Variants in ADAMTS16 observed in about 807,000 individuals in gnomAD.
ADAMTS16 encodes the protein A disintegrin and metalloproteinase with thrombospondin motifs 16.
Under a neutral mutation model 145.8 loss-of-function variants are expected in ADAMTS16, and 94 were observed. That is an observed-to-expected ratio of 0.64 (90% CI 0.55 to 0.77). The LOEUF (loss-of-function observed/expected upper bound fraction) is 0.77. Ranked by LOEUF, ADAMTS16 falls within the 30% of genes least tolerant of loss-of-function variation. ADAMTS16 has a pLI of 0.00. For synonymous variants in ADAMTS16, 659 were observed against 604.3 expected, an observed-to-expected ratio of 1.09 and a Z score of -1.33; for missense variants, 1,585 against 1,591.5, an observed-to-expected ratio of 1.00 and a Z score of 0.07.
chr5:5,299,491 G>T (rs1739683811), intron 18 of ADAMTS16, among the ~76,000 whole-genome samples: 1 of 145,482 alleles, frequency 6.9e-6, no homozygotes, highest in South Asian at 2.3e-4. Flanking sequence ...AGCATTATAT[G>T]CAAAAACCAA....
At chr5:5,168,660 T>A (rs1305488872) in intron 3 of ADAMTS16, among the ~76,000 whole-genome samples, 13 of 110,730 alleles carry the variant, frequency 1.2e-4, no homozygotes. Context: ...TTATATATTA[T>A]ATTTATATAA....
rs944854596 is a variant in ADAMTS16, at chr5:5,310,103, G to A, written c.3411+3375G>A. On this transcript the variant is annotated intron_variant, in intron 21 of 22. Coordinates refer to ENST00000274181, the MANE Select transcript of ADAMTS16 (RefSeq NM_139056.4). The surrounding 1 kb of genome is among the most constrained non-coding windows in gnomAD (Gnocchi z 4.3). Reference sequence around the variant, plus strand: ...TAGTGCAGGTGCCTGTTGGGCAGCCGGGGTCAAGGTGTGAACAAAGGAGGC... The same window carrying A: ...TAGTGCAGGTGCCTGTTGGGCAGCCAGGGTCAAGGTGTGAACAAAGGAGGC... Among the ~76,000 whole-genome samples, 2 of 152,046 alleles carry A rather than the reference G, an allele frequency of 1.3e-5. No individual in the cohort carries two copies. Among genetic ancestry groups the A allele is most frequent in the Non-Finnish European group, 2.9e-5 (2 of 68,012 alleles).
At chr5:5,230,366 C>G (rs1255094660) in intron 11 of ADAMTS16, among the ~76,000 whole-genome samples, 2 of 152,158 alleles carry the variant, frequency 1.3e-5, no homozygotes, top group East Asian at 3.9e-4. Context: ...TGAATACTCA[C>G]TAGACATTTG....
At chr5:5,239,962 T>G (rs1220435028) in intron 16 of ADAMTS16, 37 bp downstream of exon 16, 1 of 1,608,990 alleles carries the variant, frequency 6.2e-7, no homozygotes, top group Admixed American at 1.7e-5. Flanking sequence ...GCTTGGATTT[T>G]GGGGGTGTTC....
chr5:5,215,243 T>C (rs1312285169), intron 10 of ADAMTS16, among the ~76,000 whole-genome samples: 1 of 152,242 alleles, frequency 6.6e-6, no homozygotes, highest in Non-Finnish European at 1.5e-5. Flanking sequence ...CTGTCACTGA[T>C]GTAGAGTGAT....
In ADAMTS16 at chr5:5,232,491, A is replaced by G; in HGVS notation, c.1825A>G (p.Arg609Gly). The part of the protein sequence containing the change: ...SRTCGGGVSH[R>G]SRLCTNPKPS... ...GACCTGCGGAGGGGGAGTATCTCAT[A>G]GGAGTCGCCTCTGCACCAACCCCAA... Residue 609 changes from arginine to glycine, a missense_variant, in exon 12 of 23, where the codon AGG (arginine) becomes GGG (glycine). This residue lies in a region of ADAMTS16 where 834 missense variants were observed against 811.7 expected (regional missense o/e 1.03). Coordinates refer to ENST00000274181, the MANE Select transcript of ADAMTS16 (RefSeq NM_139056.4). 6.2e-7 allele frequency: 1 copy of G among 1,613,520 alleles called. No individual in the cohort carries two copies. The highest frequency in any genetic ancestry group is 8.5e-7 in the Non-Finnish European group (1 of 1,179,824).
intron 18 of ADAMTS16, among the ~76,000 whole-genome samples, chr5:5,274,332 C>T (rs1355665170): frequency 6.6e-6 from 1 of 152,170 alleles, no homozygotes; most frequent in Non-Finnish European, 1.5e-5. Context: ...AGCTTCACTG[C>T]CCTGCAGATC....
Position 5,317,399 on chromosome 5 carries a change from T to C in ADAMTS16, c.3412-735T>C, listed in dbSNP as rs183811723. Among the ~76,000 whole-genome samples, 218 of 152,032 alleles carry C rather than the reference T, an allele frequency of 1.4e-3. No homozygotes were observed. In the South Asian group the frequency reaches 0.019, roughly 13 times the overall value. On this transcript the variant is annotated intron_variant, in intron 21 of 22. Transcript: ENST00000274181. The surrounding 1 kb of genome is among the most constrained non-coding windows in gnomAD (Gnocchi z 4.5). Reference sequence around the variant, plus strand: ...GTATACTTACTTACTTACTTACTTATTTATTTATTTTTGAGATGGAGTTTT... The same window carrying C: ...GTATACTTACTTACTTACTTACTTACTTATTTATTTTTGAGATGGAGTTTT...
intron 18 of ADAMTS16, among the ~76,000 whole-genome samples, chr5:5,281,430 T>A (rs1239647900): frequency 1.3e-5 from 2 of 152,224 alleles, no homozygotes; most frequent in African/African-American, 4.8e-5. Context: ...GAAGAGAATA[T>A]GAGTAAATAT....
Position 5,303,554 on chromosome 5 carries a change from CCTGA to C in ADAMTS16, c.2992-14_2992-11del, listed in dbSNP as rs746814086. On this transcript the variant is annotated splice_polypyrimidine_tract_variant and intron_variant, in intron 19 of 22. Transcript: ENST00000274181. ...CACATGGCCCTCACTGGGTGCTTAT[CCTGA>C]CTGTTCTGTGCAGTGCTCACACACC... 2.5e-6 allele frequency: 4 copies of C among 1,612,480 alleles called. No homozygotes were observed. Among genetic ancestry groups the C allele is most frequent in the African/African-American group, 1.3e-5 (1 of 75,028 alleles).
intron 3 of ADAMTS16, among the ~76,000 whole-genome samples, chr5:5,174,586 T>A (rs1460171935): frequency 6.6e-6 from 1 of 152,166 alleles, no homozygotes. Context: ...CTCTTAGATT[T>A]GCCATTTGAA....
chr5:5,229,403 A>G (rs1441973265), intron 11 of ADAMTS16, among the ~76,000 whole-genome samples: 1 of 152,002 alleles, frequency 6.6e-6, no homozygotes, highest in African/African-American at 2.4e-5. Context: ...CAGACACTGC[A>G]GTAAGGTGGA....
chr5:5,318,378 G>A (rs565275234), intron 22 of ADAMTS16, 97 bp downstream of exon 22: 44 of 1,191,894 alleles, frequency 3.7e-5, no homozygotes, highest in African/African-American at 1.3e-4. Flanking sequence ...AGGGTCTTGC[G>A]TCTGATCTAC....
chr5:5,226,295 G>A (rs958016037), intron 11 of ADAMTS16, among the ~76,000 whole-genome samples: 6 of 152,176 alleles, frequency 3.9e-5, no homozygotes, highest in African/African-American at 1.4e-4. Context: ...ATGGTGGAAG[G>A]CAAAGGAGAA....
At position 5,200,121 on chromosome 5, in the gene ADAMTS16, C is replaced by CTG. The variant is rs1237706717; in HGVS notation, c.1314-10_1314-9insGT. On this transcript the variant is annotated splice_polypyrimidine_tract_variant and intron_variant, in intron 8 of 22. Transcript: ENST00000274181. ...CTGAAAGAACCATCTCTCTCTCTCT[C>CTG]TCTCTCATAGCTTTGGCATGATTCA... 4 of 1,595,726 alleles carry CTG rather than the reference C, an allele frequency of 2.5e-6. No homozygotes were observed. Among genetic ancestry groups the CTG allele is most frequent in the Non-Finnish European group, 3.4e-6 (4 of 1,170,184 alleles).
Position 5,140,732 on chromosome 5 carries a change from A to G in ADAMTS16, c.141A>G (p.Pro47=). ...GCCCGAGCGTCCCGCGTCCTCCTCC[A>G]CCCGCGGAGCGGCCGGGCTGGATGG... is the stretch of plus-strand genomic sequence containing the variant. ...PGSPSVPRPP[P]PAERPGWMEK... The change falls in exon 2 of 23, where the codon CCA becomes CCG. Residue 47 remains proline, a synonymous_variant. Coordinates refer to ENST00000274181, the MANE Select transcript of ADAMTS16 (RefSeq NM_139056.4). 2 of 1,568,954 alleles carry G rather than the reference A, an allele frequency of 1.3e-6. No homozygotes were observed. The highest frequency in any genetic ancestry group is 2.3e-5 in the South Asian group (2 of 85,672).
intron 8 of ADAMTS16, among the ~76,000 whole-genome samples, chr5:5,195,762 TTGCATTCTG>T (rs1735783540): frequency 6.6e-6 from 1 of 152,200 alleles, no homozygotes; most frequent in African/African-American, 2.4e-5. Context: ...TGGGCACAAT[TTGCATTCTG>T]AGAGCAAGGC....
chr5:5,146,484 A>AG, intron 3 of ADAMTS16, 29 bp downstream of exon 3: 2 of 1,566,712 alleles, frequency 1.3e-6, no homozygotes, highest in Non-Finnish European at 1.7e-6. Context: ...CCAGGTAGGG[A>AG]GGCGAGGTTG....
At chr5:5,305,107 C>T (rs1579405820) in intron 20 of ADAMTS16, among the ~76,000 whole-genome samples, 1 of 67,766 alleles carries the variant, frequency 1.5e-5, no homozygotes, top group Non-Finnish European at 3.5e-5. Context: ...ACACACATCC[C>T]ACACCACACA....
Sources: allele counts gnomAD v4.1 joint callset (sites outside exome capture counted in the v4.1 genomes callset), GRCh38; gene constraint gnomAD v4.1.1; regional missense constraint gnomAD v4.1.1; non-coding constraint Gnocchi (gnomAD v3.1); transcripts MANE v1.5; gene names NCBI Gene and HGNC (gene_info 2026-07-23, HGNC 2026-07-21).